ZNF605: variants seen among roughly 807,000 people sequenced by gnomAD.
The protein encoded by ZNF605 is zinc finger protein 605.
ZNF605 carries 9 observed loss-of-function variants against 7.9 expected under a neutral mutation model. The observed-to-expected ratio is 1.14, with a 90% confidence interval of 0.68 to 1.98. The LOEUF is 1.98. ZNF605 is among the 30% of genes most tolerant of loss of function. ZNF605 has a pLI of 0.00. For missense variants in ZNF605, 673 were observed against 762.4 expected (o/e 0.88, Z 1.38); for synonymous variants, 255 against 260.1 (o/e 0.98, Z 0.19).
intron 4 of ZNF605, among the ~76,000 whole-genome samples, chr12:132,929,943 C>G (rs1952290362): frequency 6.6e-6 from 1 of 151,900 alleles, no homozygotes. Context: ...GACTCCGTCT[C>G]AAAATAAATA....
Position 132,933,199 on chromosome 12 carries a change from TG to T in ZNF605, c.16-45del. ...TGTTAAACCTGAAGTGGTTCTCATT[TG>T]GTCTTGTAAAATACTTTCTTCTGTA... On this transcript the variant is annotated intron_variant, in intron 3 of 4. Coordinates refer to ENST00000360187, the MANE Select transcript of ZNF605 (RefSeq NM_183238.4). This position sits in a 1 kb window ranked among gnomAD's most constrained non-coding sequence, Gnocchi z 4.4. 6.4e-7 allele frequency: 1 copy of T among 1,568,850 alleles called. No homozygotes were observed.
intron 3 of ZNF605, among the ~76,000 whole-genome samples, chr12:132,938,264 G>T (rs1316963763): frequency 6.6e-6 from 1 of 151,978 alleles, no homozygotes; most frequent in Admixed American, 6.6e-5. Context: ...ACAGGCAAGA[G>T]CCACTGTGCC....
At chr12:132,953,433 T>G (rs1952593778) in intron 1 of ZNF605, among the ~76,000 whole-genome samples, 1 of 152,174 alleles carries the variant, frequency 6.6e-6, no homozygotes, top group East Asian at 1.9e-4. Context: ...ACTAACTTAT[T>G]ATTATCTTTT....
At chr12:132,930,794 T>C (rs1952300475) in intron 4 of ZNF605, among the ~76,000 whole-genome samples, 1 of 152,248 alleles carries the variant, frequency 6.6e-6, no homozygotes, top group Non-Finnish European at 1.5e-5. Flanking sequence ...TTTTCCAAAC[T>C]GCACACACTC....
Position 132,933,157 on chromosome 12 carries a change from T to C in ZNF605, c.16-2A>G. On this transcript the variant is annotated splice_acceptor_variant, in intron 3 of 4. Coordinates refer to ENST00000360187, the MANE Select transcript of ZNF605 (RefSeq NM_183238.4). LOFTEE classifies it high-confidence loss of function. The surrounding 1 kb of genome is among the most constrained non-coding windows in gnomAD (Gnocchi z 4.4). The stretch of plus-strand genomic sequence containing the variant: ...CACAGCCACATCCTCAAATGATATC[T>C]GGAAAAGCATAATCCCTGTTAAACC... The C allele has an allele frequency of 1.2e-6, 2 of 1,605,124 alleles. No homozygotes were observed. The highest frequency in any genetic ancestry group is 3.4e-5 in the Admixed American group (2 of 58,366).
intron 1 of ZNF605, among the ~76,000 whole-genome samples, chr12:132,953,290 G>A (rs1407636593): frequency 6.6e-6 from 1 of 152,132 alleles, no homozygotes; most frequent in Non-Finnish European, 1.5e-5. Flanking sequence ...CACACTATGG[G>A]TTCCCCAGTG....
intron 3 of ZNF605, among the ~76,000 whole-genome samples, chr12:132,935,340 C>CA (rs1952353320): frequency 6.6e-6 from 1 of 152,010 alleles, no homozygotes; most frequent in South Asian, 2.1e-4. Context: ...TAGTGTTACA[C>CA]AAAGAGGTCA....
rs917356917 is a variant in ZNF605 at position 132,921,929 on chromosome 12, A to G, written c.*3444T>C. The G allele has an allele frequency of 3.3e-5, 5 of 152,222 alleles. No homozygotes were observed. The highest frequency in any genetic ancestry group is 2.6e-4 in the Admixed American group (4 of 15,284). 9.4% of individuals were successfully genotyped at this position (152,222 alleles called of 1,614,324 possible). The stretch of plus-strand genomic sequence containing the variant: ...CTTCAACTTAATGCATTAGCGCCGT[A>G]AGGTTGTAAGAGAAGCAACTCTGGC... On this transcript the variant is annotated 3_prime_UTR_variant, in exon 5 of 5. Transcript: ENST00000360187.
chr12:132,938,243 G>C (rs1424831912), intron 3 of ZNF605, among the ~76,000 whole-genome samples: 2 of 152,080 alleles, frequency 1.3e-5, no homozygotes, highest in Non-Finnish European at 2.9e-5. Context: ...GCCTCCCAAA[G>C]TGCTGGGATT....
chr12:132,945,034 C>G (rs1316407113), intron 3 of ZNF605: 1 of 210,404 alleles, frequency 4.8e-6, no homozygotes, highest in Non-Finnish European at 9.6e-6. Context: ...GTCACCCTGG[C>G]TGGAGTGCAC....
chr12:132,951,470 A>ATG (rs1952565393), intron 1 of ZNF605, among the ~76,000 whole-genome samples: 3 of 145,382 alleles, frequency 2.1e-5, no homozygotes, highest in Non-Finnish European at 4.6e-5. Flanking sequence ...TCAGACATGC[A>ATG]CGCAGATTCA....
intron 1 of ZNF605, chr12:132,948,546 C>T (rs1952519834): frequency 6.6e-6 from 1 of 152,270 alleles, no homozygotes; most frequent in African/African-American, 2.4e-5. Flanking sequence ...CCAGTGGCAC[C>T]TTTCCAGAAA....
In ZNF605 at chr12:132,945,801, T is replaced by A; in HGVS notation, c.-162-4A>T. The A allele has an allele frequency of 2.2e-6, 2 of 896,682 alleles. No individual in the cohort carries two copies. The highest frequency in any genetic ancestry group is 3.6e-6 in the Non-Finnish European group (2 of 553,048). 55.5% of individuals were successfully genotyped at this position (896,682 alleles called of 1,614,324 possible). A position where few individuals can be genotyped will look rare whatever the true frequency, so the allele number is the denominator to read the frequency against. Reference sequence around the variant, plus strand: ...TCTTGTTCCAGAGGGCTATTGCCTGTGGATGCAGTGGACATTTTATTTTAG... The same window carrying A: ...TCTTGTTCCAGAGGGCTATTGCCTGAGGATGCAGTGGACATTTTATTTTAG... On this transcript the variant is annotated splice_polypyrimidine_tract_variant and splice_region_variant and intron_variant, in intron 2 of 4. Transcript: ENST00000360187.
chr12:132,943,903 C>CTAG lies in ZNF605; in HGVS notation c.15+1715_15+1717dup, dbSNP rs1332188658. 7.8e-4 allele frequency among the ~76,000 whole-genome samples: 118 copies of CTAG among 152,236 alleles called. 1 individual carries two copies. The highest frequency in any genetic ancestry group is 2.7e-3 in the African/African-American group (113 of 41,528). ...CCGGGAGGTGAGGTATTCCTGGCCT[C>CTAG]TAGATGTTTACGGTTAAGGGAACAG... On this transcript the variant is annotated intron_variant, in intron 3 of 4. Transcript: ENST00000360187.
chr12:132,940,238 A>G (rs710943), intron 3 of ZNF605, among the ~76,000 whole-genome samples: 89,756 of 152,044 alleles, frequency 0.59, 29,161 homozygotes, highest in Non-Finnish European at 0.75. Context: ...AGGGATGCAC[A>G]GCCACAGAGG....
At chr12:132,951,965 AC>A in intron 1 of ZNF605, among the ~76,000 whole-genome samples, 1 of 151,374 alleles carries the variant, frequency 6.6e-6, no homozygotes, top group Non-Finnish European at 1.5e-5. Flanking sequence ...TACATCACAT[AC>A]ACACACGTTC....
rs1288328680 is a variant in ZNF605, at chr12:132,925,999, A to C, written c.1300T>G (p.Ser434Ala). Residue 434 changes from serine to alanine, a missense_variant, in exon 5 of 5, where the codon TCC becomes GCC. Transcript: ENST00000360187. ...IQCGKTFFGK[S>A]QLLTHHRTHT... ...GTTCTGTGATGCGTTAGGAGCTGGGACTTCCCAAAGAAGGTTTTCCCACAT... is the reference window on the plus strand; with the variant it reads ...GTTCTGTGATGCGTTAGGAGCTGGGCCTTCCCAAAGAAGGTTTTCCCACAT... 1.2e-6 allele frequency: 2 copies of C among 1,614,152 alleles called. No individual in the cohort carries two copies. Among genetic ancestry groups the C allele is most frequent in the Non-Finnish European group, 1.7e-6 (2 of 1,180,022 alleles).
In ZNF605 at chr12:132,929,614, T is replaced by C. The variant is rs1405162663; in HGVS notation, c.137-2452A>G. Among the ~76,000 whole-genome samples, 6 of 152,182 alleles carry C rather than the reference T, an allele frequency of 3.9e-5. No individual in the cohort carries two copies. The South Asian group carries it at 1.2e-3, about 32-fold the overall frequency. On this transcript the variant is annotated intron_variant, in intron 4 of 4. Coordinates refer to ENST00000360187, the MANE Select transcript of ZNF605 (RefSeq NM_183238.4). ...AAGATGTGGGAAAAAAGAAAAACAA[T>C]ACTTTTAAATTAAAATCAAATCAAG...
chr12:132,947,710 A>G (rs1038010857), intron 2 of ZNF605, among the ~76,000 whole-genome samples: 12 of 152,050 alleles, frequency 7.9e-5, no homozygotes, highest in Admixed American at 6.6e-4. Context: ...TATTTCCCCA[A>G]ATAATCAGGC....
Sources: allele counts gnomAD v4.1 joint callset (sites outside exome capture counted in the v4.1 genomes callset), GRCh38; gene constraint gnomAD v4.1.1; non-coding constraint Gnocchi (gnomAD v3.1); transcripts MANE v1.5; gene names NCBI Gene and HGNC (gene_info 2026-07-23, HGNC 2026-07-21).